RBM27: variants seen among roughly 807,000 people sequenced by gnomAD.
RBM27 encodes RNA binding motif protein 27, also known as RNA-binding protein 27.
A neutral mutation model predicts 135.3 loss-of-function variants in RBM27; 22 were observed. That is an observed-to-expected ratio of 0.16 (90% CI 0.12 to 0.23). The LOEUF is 0.23. Among genes scored for constraint, RBM27 ranks in the 10% least tolerant of loss-of-function variants. RBM27 has a pLI of 1.00. For missense variants in RBM27, 1,009 were observed against 1,281.0 expected, an observed-to-expected ratio of 0.79 and a Z score of 3.24; for synonymous variants, 481 against 442.4, an observed-to-expected ratio of 1.09 and a Z score of -1.10.
chr5:146,230,590 A>G, intron 5 of RBM27, 67 bp from the exon 6 acceptor site: 2 of 1,495,292 alleles, frequency 1.3e-6, no homozygotes, highest in South Asian at 1.2e-5. Context: ...TGAGAAAATA[A>G]ATATAGTTTA....
intron 7 of RBM27, among the ~76,000 whole-genome samples, chr5:146,236,522 A>T (rs963888201): frequency 1.3e-5 from 2 of 152,232 alleles, no homozygotes; most frequent in Admixed American, 1.3e-4. Flanking sequence ...AATTGATTAT[A>T]CAACTCCCAG....
At chr5:146,271,413 A>C in intron 18 of RBM27, 70 bp from the exon 19 acceptor site, 1 of 1,414,388 alleles carries the variant, frequency 7.1e-7, no homozygotes, top group East Asian at 2.3e-5. Flanking sequence ...AAAAAAAAAA[A>C]AAGTTTTCCT....
chr5:146,240,057 G>A (rs1033881726), intron 8 of RBM27, among the ~76,000 whole-genome samples: 4 of 152,082 alleles, frequency 2.6e-5, no homozygotes, highest in Non-Finnish European at 5.9e-5. Flanking sequence ...GATTACAGGC[G>A]TGAGCCACTG....
intron 1 of RBM27, among the ~76,000 whole-genome samples, chr5:146,210,635 G>C (rs1170840154): frequency 1.3e-5 from 2 of 152,132 alleles, no homozygotes; most frequent in African/African-American, 2.4e-5. Flanking sequence ...TTCCCAGCCT[G>C]CAGAACTGTG....
chr5:146,216,825 T>C (rs1393250425), intron 1 of RBM27, among the ~76,000 whole-genome samples: 1 of 152,112 alleles, frequency 6.6e-6, no homozygotes, highest in Non-Finnish European at 1.5e-5. Context: ...GCCTGGCTAA[T>C]TTTTATATTA....
chr5:146,203,630 G>T lies in RBM27; in HGVS notation c.-136G>T, dbSNP rs1474467493. The T allele has an allele frequency of 4.0e-6, 3 of 753,482 alleles. No homozygotes were observed. Among genetic ancestry groups the T allele is most frequent in the Non-Finnish European group, 6.7e-6 (3 of 451,060 alleles). 46.7% of individuals were successfully genotyped at this position (753,482 alleles called of 1,614,324 possible). A position where few individuals can be genotyped will look rare whatever the true frequency, so the allele number is the denominator to read the frequency against. On this transcript the variant is annotated 5_prime_UTR_variant, in exon 1 of 21. Coordinates refer to ENST00000265271, the MANE Select transcript of RBM27 (RefSeq NM_018989.2). ...AGTTCCTGTTAGGCCCCGGCCGGGG[G>T]AGTAGGTTGAAGTCTCCTAAGATGC... is the stretch of plus-strand genomic sequence containing the variant.
At chr5:146,258,148 G>A (rs1165853988) in intron 10 of RBM27, among the ~76,000 whole-genome samples, 1 of 152,032 alleles carries the variant, frequency 6.6e-6, no homozygotes, top group Non-Finnish European at 1.5e-5. Context: ...TGTAATTTTT[G>A]GAGTGGTACT....
intron 1 of RBM27, among the ~76,000 whole-genome samples, chr5:146,218,727 T>C (rs975112801): frequency 1.3e-5 from 2 of 152,152 alleles, no homozygotes; most frequent in Non-Finnish European, 2.9e-5. Flanking sequence ...AACAAATAAA[T>C]GTAGAGCTCG....
At chr5:146,208,339 A>C (rs1038611203) in intron 1 of RBM27, among the ~76,000 whole-genome samples, 1 of 152,184 alleles carries the variant, frequency 6.6e-6, no homozygotes, top group South Asian at 2.1e-4. Flanking sequence ...ATTAGAGCTT[A>C]TCTGTTACCT....
rs2963927 is a variant in RBM27 at position 146,280,058 on chromosome 5, T to A, written c.2989-4564T>A. ...TCTTAGCTATCTGGTATTCCTTTAA[T>A]TTTTTTTTTTTTTGGAGACAGAGTC... On this transcript the variant is annotated intron_variant, in intron 19 of 20. Coordinates refer to ENST00000265271, the MANE Select transcript of RBM27 (RefSeq NM_018989.2). Among the ~76,000 whole-genome samples the A allele has an allele frequency of 7.4e-3, 941 of 127,922 alleles. 14 individuals are homozygous for A. The highest frequency in any genetic ancestry group is 0.028 in the African/African-American group (892 of 31,652). 83.9% of individuals were successfully genotyped at this position (127,922 alleles called of 152,430 possible).
rs370108590 is a variant in RBM27, at chr5:146,223,466, T to C, written c.242T>C (p.Leu81Ser). 3.5e-5 allele frequency: 56 copies of C among 1,610,598 alleles called. No individual in the cohort carries two copies. The African/African-American group carries it at 6.4e-4, about 18-fold the overall frequency. Residue 81 changes from leucine (L) to serine (S), a missense_variant, in exon 3 of 21, where the codon TTG (leucine) becomes TCG (serine). Transcript: ENST00000265271. ...TATACTAAGAACTACCTTCCACTTT[T>C]GGAACCAGTAAAGCCTGAGCCAAAA... is the stretch of plus-strand genomic sequence containing the variant. Reference protein sequence around the residue: ...SLYTKNYLPLLEPVKPEPKPL... With the variant: ...SLYTKNYLPLSEPVKPEPKPL...
chr5:146,247,390 C>G (rs971604119), intron 8 of RBM27, among the ~76,000 whole-genome samples: 1 of 152,256 alleles, frequency 6.6e-6, no homozygotes, highest in East Asian at 1.9e-4. Flanking sequence ...TGTGAAATAT[C>G]CAGTTAGTTT....
rs544113162 is a variant in RBM27 at position 146,238,238 on chromosome 5, G to A, written c.1279+806G>A. ...ATACATTTTTCTTGGGCCAGGCGCG[G>A]TGGCTCATGCCTGTAATCCTAGCAC... is the stretch of plus-strand genomic sequence containing the variant. On this transcript the variant is annotated intron_variant, in intron 8 of 20. Coordinates refer to ENST00000265271, the MANE Select transcript of RBM27 (RefSeq NM_018989.2). Among the ~76,000 whole-genome samples the A allele has an allele frequency of 3.9e-4, 60 of 152,290 alleles. No individual in the cohort carries two copies. In the South Asian group the frequency reaches 0.011, roughly 29 times the overall value.
At chr5:146,218,864 G>A in intron 1 of RBM27, 121 bp from the exon 2 acceptor site, 2 of 563,794 alleles carry the variant, frequency 3.5e-6, no homozygotes, top group Non-Finnish European at 6.1e-6. Flanking sequence ...TGTGTTTGTG[G>A]TCACTTTTTA....
In RBM27 at chr5:146,251,489, C is replaced by T. The variant is rs118072613; in HGVS notation, c.1280-222C>T. The stretch of plus-strand genomic sequence containing the variant: ...TCATAAAAGATGGAGATTATATATA[C>T]TACTTAATTCTTATTCTTTTCTTTA... On this transcript the variant is annotated intron_variant, in intron 8 of 20. Coordinates refer to ENST00000265271, the MANE Select transcript of RBM27 (RefSeq NM_018989.2). 1.8e-4 allele frequency among the ~76,000 whole-genome samples: 28 copies of T among 152,282 alleles called. No homozygotes were observed. In the East Asian group the frequency reaches 5.0e-3, roughly 27 times the overall value.
chr5:146,208,478 G>A lies in RBM27; in HGVS notation c.59+4654G>A, dbSNP rs532021086. Among the ~76,000 whole-genome samples the A allele has an allele frequency of 3.3e-5, 5 of 152,060 alleles. No homozygotes were observed. The South Asian group carries it at 1.0e-3, about 32-fold the overall frequency. On this transcript the variant is annotated intron_variant, in intron 1 of 20. Transcript: ENST00000265271. ...TACCACCATTTTTGTTGGCAATGCA[G>A]TAAAAGGGAGGGAAACCAATATCTC...
intron 8 of RBM27, among the ~76,000 whole-genome samples, chr5:146,248,623 G>C (rs920029934): frequency 6.6e-6 from 1 of 152,004 alleles, no homozygotes; most frequent in African/African-American, 2.4e-5. Context: ...GCACCACTAC[G>C]CCTGGCTAAT....
At chr5:146,207,658 CTT>C (rs1224104910) in intron 1 of RBM27, among the ~76,000 whole-genome samples, 1,827 of 128,870 alleles carry the variant, frequency 0.014, 24 homozygotes, top group African/African-American at 0.049. Context: ...GGAGATATTT[CTT>C]TTTTTTTTTT....
chr5:146,254,405 A>G (rs1195249336), intron 9 of RBM27, among the ~76,000 whole-genome samples: 2 of 151,884 alleles, frequency 1.3e-5, no homozygotes, highest in African/African-American at 4.8e-5. Context: ...GAATGGATGC[A>G]TATATCTATA....
Sources: allele counts gnomAD v4.1 joint callset (sites outside exome capture counted in the v4.1 genomes callset), GRCh38; gene constraint gnomAD v4.1.1; transcripts MANE v1.5; gene names NCBI Gene and HGNC (gene_info 2026-07-23, HGNC 2026-07-21).